PCDH11X: variants seen among roughly 807,000 people sequenced by gnomAD.
PCDH11X encodes protocadherin-11 X-linked.
A neutral mutation model predicts 53.3 loss-of-function variants in PCDH11X; 18 were observed. The observed-to-expected ratio is 0.34, with a 90% CI of 0.23 to 0.50. The LOEUF (loss-of-function observed/expected upper bound fraction) is 0.50, where lower values mean the gene tolerates loss of function less well. Ranked by LOEUF, PCDH11X falls within the 20% of genes least tolerant of loss-of-function variation. The probability of loss-of-function intolerance (pLI) is 0.98; values close to 1 mark genes in which losing one functional copy is unlikely to be tolerated. For synonymous variants in PCDH11X, 279 were observed against 393.3 expected, an observed-to-expected ratio of 0.71 and a Z score of 3.44; for missense variants, 570 against 1,032.4, an observed-to-expected ratio of 0.55 and a Z score of 6.14.
intron 6 of PCDH11X, among the ~76,000 whole-genome samples, chrX:92,089,543 A>G (rs2064013770): frequency 1.8e-5 from 2 of 109,626 alleles, no homozygotes; most frequent in Admixed American, 2.0e-4. Context: ...TCTTTTTGAG[A>G]TGGAGTTTCA....
At chrX:92,434,692 T>G (rs2148628509) in intron 9 of PCDH11X, among the ~76,000 whole-genome samples, 1 of 106,880 alleles carries the variant, frequency 9.4e-6, no homozygotes, top group African/African-American at 3.5e-5. Flanking sequence ...TTTTTATCAT[T>G]ATTATTCTTT....
chrX:91,949,812 C>G (rs1199703813), intron 6 of PCDH11X, among the ~76,000 whole-genome samples: 5 of 108,066 alleles, frequency 4.6e-5, no homozygotes, highest in Non-Finnish European at 9.7e-5. Flanking sequence ...TTAATTGGTA[C>G]TATAAAATTT....
intron 10 of PCDH11X, among the ~76,000 whole-genome samples, chrX:92,552,089 C>A (rs1292826531): frequency 1.0e-5 from 1 of 99,800 alleles, no homozygotes; most frequent in Non-Finnish European, 2.0e-5. Flanking sequence ...ATGAGTAATG[C>A]CACCAGTATT....
chrX:91,891,959 C>T (rs1202793409), intron 6 of PCDH11X, among the ~76,000 whole-genome samples: 4 of 92,253 alleles, frequency 4.3e-5, no homozygotes, highest in African/African-American at 1.6e-4. Context: ...AGAAAAAAAG[C>T]ACATAAAAGT....
At chrX:92,597,251 C>T (rs1355058775) in intron 10 of PCDH11X, among the ~76,000 whole-genome samples, 1 of 109,693 alleles carries the variant, frequency 9.1e-6, no homozygotes, top group African/African-American at 3.3e-5. Context: ...TCTTTTTTTG[C>T]TGATGACATA....
chrX:91,846,511 C>G (rs778833273), intron 5 of PCDH11X, among the ~76,000 whole-genome samples: 3 of 108,485 alleles, frequency 2.8e-5, no homozygotes, highest in South Asian at 8.2e-4. Flanking sequence ...CCAGCTACTC[C>G]GGAGGCTGAG....
chrX:92,400,322 G>A (rs1488083997), intron 9 of PCDH11X, among the ~76,000 whole-genome samples: 4 of 111,554 alleles, frequency 3.6e-5, no homozygotes, highest in African/African-American at 9.8e-5. Flanking sequence ...AATTCTTCTG[G>A]ATCATTGCTA....
intron 10 of PCDH11X, among the ~76,000 whole-genome samples, chrX:92,503,599 A>G (rs866139610): frequency 1.1e-5 from 1 of 90,776 alleles, no homozygotes; most frequent in Admixed American, 1.1e-4. Context: ...GTTGGAAGCC[A>G]TTATCCTCAG....
intron 4 of PCDH11X, chrX:91,834,644 A>G (rs1459666695): frequency 1.8e-5 from 2 of 110,774 alleles, no homozygotes; most frequent in Non-Finnish European, 3.8e-5. Flanking sequence ...TCTAAAGCAA[A>G]TATAGTAGAT....
At chrX:92,315,186 G>A (rs936940307) in intron 8 of PCDH11X, among the ~76,000 whole-genome samples, 1 of 111,511 alleles carries the variant, frequency 9.0e-6, no homozygotes, top group Admixed American at 9.6e-5. Flanking sequence ...GCTCATAGAC[G>A]CACTGTAATA....
At chrX:92,331,849 A>C (rs188880004) in intron 8 of PCDH11X, among the ~76,000 whole-genome samples, 71 of 111,504 alleles carry the variant, frequency 6.4e-4, no homozygotes, top group African/African-American at 2.2e-3. Flanking sequence ...CATTCTCTCA[A>C]GTGTGATGAA....
chrX:92,331,675 T>C (rs1191944552), intron 8 of PCDH11X, among the ~76,000 whole-genome samples: 1 of 110,971 alleles, frequency 9.0e-6, no homozygotes, highest in Middle Eastern at 4.2e-3. Flanking sequence ...CCATAATAGA[T>C]TGGGGAAATT....
intron 1 of PCDH11X, among the ~76,000 whole-genome samples, chrX:91,782,250 C>T (rs1935176379): frequency 9.4e-6 from 1 of 106,495 alleles, no homozygotes; most frequent in Admixed American, 9.9e-5. Flanking sequence ...TGCTGGCGGC[C>T]CGCCGCCGGT....
At chrX:92,376,331 G>A (rs139660621) in intron 8 of PCDH11X, among the ~76,000 whole-genome samples, 112 of 111,885 alleles carry the variant, frequency 1.0e-3, no homozygotes, top group African/African-American at 2.9e-3. Context: ...TCAAAGTGAT[G>A]TAATTATTTT....
intron 6 of PCDH11X, among the ~76,000 whole-genome samples, chrX:91,888,621 A>G (rs1940341290): frequency 9.1e-6 from 1 of 110,383 alleles, no homozygotes; most frequent in Non-Finnish European, 1.9e-5. Context: ...AGATCACGCC[A>G]CTGCACTCCA....
intron 7 of PCDH11X, among the ~76,000 whole-genome samples, chrX:92,228,746 A>G (rs2067015453): frequency 9.0e-6 from 1 of 111,712 alleles, no homozygotes; most frequent in African/African-American, 3.2e-5. Flanking sequence ...TGATATTATT[A>G]CTTGAAAAAA....
intron 7 of PCDH11X, among the ~76,000 whole-genome samples, chrX:92,214,321 G>A (rs1433108745): frequency 1.8e-5 from 2 of 111,583 alleles, no homozygotes; most frequent in East Asian, 2.8e-4. Context: ...GATCTGGAGG[G>A]AAACATTCTG....
intron 6 of PCDH11X, chrX:92,113,967 C>A: frequency 9.1e-6 from 11 of 1,208,259 alleles, no homozygotes; most frequent in Non-Finnish European, 1.2e-5. Flanking sequence ...TCCGGTTAAG[C>A]ATATCAAACA....
chrX:92,497,309 G>A (rs2073876589), intron 10 of PCDH11X, among the ~76,000 whole-genome samples: 1 of 110,943 alleles, frequency 9.0e-6, no homozygotes, highest in African/African-American at 3.3e-5. Flanking sequence ...GAAGAACAAG[G>A]CCTAATCAAG....
Sources: allele counts gnomAD v4.1 joint callset (sites outside exome capture counted in the v4.1 genomes callset), GRCh38; gene constraint gnomAD v4.1.1; transcripts MANE v1.5; gene names NCBI Gene and HGNC (gene_info 2026-07-23, HGNC 2026-07-21).